Variants in SLC25A21 observed in about 807,000 individuals in gnomAD.
SLC25A21 encodes mitochondrial 2-oxodicarboxylate carrier.
A neutral mutation model predicts 43.8 loss-of-function variants in SLC25A21; 47 were observed. That is an observed-to-expected ratio of 1.07 (90% confidence interval 0.85 to 1.37). The LOEUF (loss-of-function observed/expected upper bound fraction) is 1.37, where lower values mean the gene tolerates loss of function less well. Among genes scored for constraint, SLC25A21 ranks in the 40% most tolerant of loss-of-function variants. SLC25A21 has a pLI of 0.00. For missense variants in SLC25A21, 352 were observed against 350.2 expected (o/e 1.00, Z -0.04); for synonymous variants, 131 against 121.3 (o/e 1.08, Z -0.52).
chr14:36,882,985 A>G (rs1566706478), intron 1 of SLC25A21, among the ~76,000 whole-genome samples: 1 of 151,664 alleles, frequency 6.6e-6, no homozygotes, highest in Non-Finnish European at 1.5e-5. Context: ...TACTTCTCCT[A>G]CTCTGGTCCA....
At chr14:36,966,433 C>T (rs1959617375) in intron 1 of SLC25A21, among the ~76,000 whole-genome samples, 1 of 152,166 alleles carries the variant, frequency 6.6e-6, no homozygotes, top group Admixed American at 6.5e-5. Flanking sequence ...ATCTACTCAA[C>T]TCAGACACCT....
intron 1 of SLC25A21, among the ~76,000 whole-genome samples, chr14:36,900,842 T>C (rs1011216046): frequency 2.6e-5 from 4 of 152,182 alleles, no homozygotes; most frequent in African/African-American, 7.2e-5. Flanking sequence ...CTGGGAGCCA[T>C]TGCAATAGGG....
intron 1 of SLC25A21, among the ~76,000 whole-genome samples, chr14:36,956,917 C>T (rs61989473): frequency 3.9e-4 from 59 of 152,202 alleles, no homozygotes; most frequent in Non-Finnish European, 6.5e-4. Flanking sequence ...TTCAAAAAAG[C>T]CCAAAATTCC....
intron 1 of SLC25A21, among the ~76,000 whole-genome samples, chr14:37,022,004 CA>C (rs1472366788): frequency 2.0e-5 from 3 of 151,536 alleles, no homozygotes; most frequent in East Asian, 3.9e-4. Flanking sequence ...AAAGGTGTGC[CA>C]GGGGCATTAT....
rs149852045 is a variant in SLC25A21 at position 37,031,330 on chromosome 14, A to C, written c.70+140951T>G. On this transcript the variant is annotated intron_variant, in intron 1 of 9. Transcript: ENST00000331299. ...TTCCTCTTAAAGCCTTTCATGAAAA[A>C]ATTTTTAAAAAAGAATCTTTGGCTC... 2.5e-4 allele frequency among the ~76,000 whole-genome samples: 38 copies of C among 152,292 alleles called. 3 individuals carry two copies. Among genetic ancestry groups the C allele is most frequent in the African/African-American group, 7.7e-4 (32 of 41,578 alleles).
At chr14:36,947,565 C>A (rs530008399) in intron 1 of SLC25A21, among the ~76,000 whole-genome samples, 1 of 152,224 alleles carries the variant, frequency 6.6e-6, no homozygotes, top group African/African-American at 2.4e-5. Context: ...TGATGATTTA[C>A]CATGTCTGCT....
chr14:37,079,559 A>T (rs1962347145), intron 1 of SLC25A21, among the ~76,000 whole-genome samples: 1 of 152,134 alleles, frequency 6.6e-6, no homozygotes, highest in African/African-American at 2.4e-5. Flanking sequence ...ATAAAACACA[A>T]ATCTGAACAT....
intron 2 of SLC25A21, among the ~76,000 whole-genome samples, chr14:36,836,651 A>G (rs2138490203): frequency 6.6e-6 from 1 of 152,326 alleles, no homozygotes; most frequent in Admixed American, 6.5e-5. Flanking sequence ...CAGTTTCAGT[A>G]GAATGGTGGA....
chr14:37,052,352 A>G (rs1961727093), intron 1 of SLC25A21, among the ~76,000 whole-genome samples: 1 of 152,196 alleles, frequency 6.6e-6, no homozygotes, highest in Admixed American at 6.5e-5. Flanking sequence ...CCAGCTGAAG[A>G]GTATTTAAAA....
chr14:37,123,494 T>G (rs941131915), intron 1 of SLC25A21, among the ~76,000 whole-genome samples: 2 of 152,184 alleles, frequency 1.3e-5, no homozygotes. Context: ...CTTCACATTT[T>G]CCCATTTAAT....
At chr14:37,156,126 T>A (rs1594822319) in intron 1 of SLC25A21, among the ~76,000 whole-genome samples, 1 of 140,072 alleles carries the variant, frequency 7.1e-6, no homozygotes, top group Non-Finnish European at 1.5e-5. Context: ...ACCACTGCAC[T>A]CCGGCCTGGG....
intron 3 of SLC25A21, among the ~76,000 whole-genome samples, chr14:36,752,483 G>T (rs1885746651): frequency 6.6e-6 from 1 of 152,124 alleles, no homozygotes; most frequent in Non-Finnish European, 1.5e-5. Context: ...ATAGCCAAAA[G>T]GTGAAAACAA....
chr14:36,886,886 A>G (rs1300581331), intron 1 of SLC25A21, among the ~76,000 whole-genome samples: 2 of 152,122 alleles, frequency 1.3e-5, no homozygotes, highest in African/African-American at 2.4e-5. Flanking sequence ...CTCCACATAC[A>G]CTTGGGTAAG....
intron 1 of SLC25A21, among the ~76,000 whole-genome samples, chr14:36,979,452 T>C (rs1053795868): frequency 2.6e-5 from 4 of 151,818 alleles, no homozygotes; most frequent in African/African-American, 9.7e-5. Context: ...GCCTCCTGGG[T>C]TCAAGCAATT....
At chr14:36,994,667 CG>C (rs1243009045) in intron 1 of SLC25A21, among the ~76,000 whole-genome samples, 3 of 151,984 alleles carry the variant, frequency 2.0e-5, no homozygotes, top group Admixed American at 2.0e-4. Flanking sequence ...AGCGATATTG[CG>C]TATCTGTCTC....
At chr14:36,921,705 G>A (rs1317453405) in intron 1 of SLC25A21, among the ~76,000 whole-genome samples, 2 of 152,178 alleles carry the variant, frequency 1.3e-5, no homozygotes, top group Admixed American at 1.3e-4. Context: ...AAAGGGACAA[G>A]AGCAGGCTTC....
At chr14:36,754,235 G>A (rs1401928572) in intron 3 of SLC25A21, among the ~76,000 whole-genome samples, 2 of 152,090 alleles carry the variant, frequency 1.3e-5, no homozygotes, top group Non-Finnish European at 1.5e-5. Flanking sequence ...TCAGTTGAAG[G>A]CCTGAGTAGA....
intron 1 of SLC25A21, among the ~76,000 whole-genome samples, chr14:36,962,450 T>A (rs1057171501): frequency 6.6e-6 from 1 of 152,198 alleles, no homozygotes; most frequent in Admixed American, 6.5e-5. Context: ...TTTTATATCC[T>A]TTGATCTACA....
chr14:36,807,762 A>G (rs1349954582), intron 3 of SLC25A21, among the ~76,000 whole-genome samples: 1 of 152,172 alleles, frequency 6.6e-6, no homozygotes, highest in African/African-American at 2.4e-5. Flanking sequence ...TAAGTTGTAG[A>G]GCTGTGGGCA....
Sources: allele counts gnomAD v4.1 joint callset (sites outside exome capture counted in the v4.1 genomes callset), GRCh38; gene constraint gnomAD v4.1.1; transcripts MANE v1.5; gene names NCBI Gene and HGNC (gene_info 2026-07-23, HGNC 2026-07-21).